Variants in KLK7 observed in about 807,000 individuals in gnomAD.
KLK7 encodes kallikrein-7.
A neutral mutation model predicts 21.0 loss-of-function variants in KLK7; 17 were observed. The ratio of observed to expected loss-of-function variants is 0.81; its 90% CI spans 0.55 to 1.21. KLK7 has a LOEUF of 1.21. Ranked by LOEUF, KLK7 falls within the 50% of genes most tolerant of loss-of-function variation. The pLI is 0.00. For missense variants in KLK7, 330 were observed against 322.8 expected, an observed-to-expected ratio of 1.02 and a Z score of -0.17; for synonymous variants, 151 against 134.6, an observed-to-expected ratio of 1.12 and a Z score of -0.85.
chr19:50,983,492 G>A (rs2091107736), intron 1 of KLK7, among the ~76,000 whole-genome samples: 1 of 119,528 alleles, frequency 8.4e-6, no homozygotes, highest in Non-Finnish European at 1.7e-5. Context: ...AGACCCAGGA[G>A]TCGAGACCCC....
At position 50,980,443 on chromosome 19, in the gene KLK7, C is replaced by T. The variant is rs201304622; in HGVS notation, c.266G>A (p.Arg89Lys). ...HLGSDTLGDR[R>K]AQRIKASKSF... ...CTTCGAGGCCTTGATCCTCTGAGCTCTCCTGTCGCCCAGCGTATCACTGCC... is the reference window on the plus strand; with the variant it reads ...CTTCGAGGCCTTGATCCTCTGAGCTTTCCTGTCGCCCAGCGTATCACTGCC... The change falls in exon 4 of 6, where the codon AGA becomes AAA. Residue 89 changes from arginine (R) to lysine (K), a missense_variant. Coordinates refer to ENST00000595820, the MANE Select transcript of KLK7 (RefSeq NM_005046.4). 3 of 1,614,004 alleles carry T rather than the reference C, an allele frequency of 1.9e-6. No individual in the cohort carries two copies. The highest frequency in any genetic ancestry group is 2.2e-5 in the South Asian group (2 of 91,076).
At position 50,980,396 on chromosome 19, in the gene KLK7, A is replaced by T; in HGVS notation, c.313T>A (p.Ser105Thr). 6.2e-7 allele frequency: 1 copy of T among 1,614,042 alleles called. No individual in the cohort carries two copies. The highest frequency in any genetic ancestry group is 2.2e-5 in the East Asian group (1 of 44,874). The part of the protein sequence containing the change: ...ASKSFRHPGY[S>T]TQTHVNDLML... ...AGGTCATTAACATGGGTCTGTGTGG[A>T]GTAGCCGGGGTGGCGGAATGACTTC... Residue 105 changes from serine to threonine, a missense_variant, in exon 4 of 6, where the codon TCC (serine) becomes ACC (threonine). Transcript: ENST00000595820.
At chr19:50,978,359 T>C (rs1026778722) in intron 5 of KLK7, among the ~76,000 whole-genome samples, 2 of 151,688 alleles carry the variant, frequency 1.3e-5, no homozygotes, top group South Asian at 4.2e-4. Flanking sequence ...AAGGTGCAGA[T>C]GTGAGCAAGG....
chr19:50,982,408 G>C lies in KLK7; in HGVS notation c.-9C>G. ...AGAAGGGATCTTGCCATGGTGCCCTGCTGAGCCGCTCAGGGGCTGCCAGGC... is the reference window on the plus strand; with the variant it reads ...AGAAGGGATCTTGCCATGGTGCCCTCCTGAGCCGCTCAGGGGCTGCCAGGC... On this transcript the variant is annotated 5_prime_UTR_variant, in exon 2 of 6. Coordinates refer to ENST00000595820, the MANE Select transcript of KLK7 (RefSeq NM_005046.4). The C allele has an allele frequency of 6.2e-7, 1 of 1,604,316 alleles. No homozygotes were observed. The highest frequency in any genetic ancestry group is 1.7e-5 in the Admixed American group (1 of 58,274).
Position 50,977,262 on chromosome 19 carries a change from A to G in KLK7, c.*274T>C, listed in dbSNP as rs1004776599. The G allele has an allele frequency of 2.4e-5, 9 of 375,170 alleles. No individual in the cohort carries two copies. The Admixed American group carries it at 3.4e-4, about 14-fold the overall frequency. 23.2% of individuals were successfully genotyped at this position (375,170 alleles called of 1,614,324 possible). ...ATAAGGGTCTCGGTGTACGTTGACC[A>G]AGTGTCTTCCGTAAAGACTGTACGA... On this transcript the variant is annotated 3_prime_UTR_variant, in exon 6 of 6. Transcript: ENST00000595820.
At chr19:50,982,254 T>A in intron 2 of KLK7, 73 bp downstream of exon 2, 1 of 1,554,368 alleles carries the variant, frequency 6.4e-7, no homozygotes, top group Non-Finnish European at 8.7e-7. Context: ...GGAAGGGTTC[T>A]GACTCAGGGA....
At chr19:50,977,836 C>T in intron 5 of KLK7, 145 bp from the exon 6 acceptor site, 1 of 837,202 alleles carries the variant, frequency 1.2e-6, no homozygotes, top group Non-Finnish European at 1.9e-6. Flanking sequence ...TCTCTGGGGA[C>T]TAATGGGAGA....
intron 1 of KLK7, among the ~76,000 whole-genome samples, chr19:50,983,349 C>T (rs1354251646): frequency 1.8e-5 from 1 of 54,886 alleles, no homozygotes; most frequent in African/African-American, 1.0e-4. Context: ...ACCCAGGAGT[C>T]CAGGCCCCAG....
In KLK7 at chr19:50,982,358, T is replaced by C. The variant is rs2091095869; in HGVS notation, c.42A>G (p.Leu14=). Residue 14 remains leucine, a synonymous_variant, in exon 2 of 6, where the codon CTA becomes CTG. Transcript: ENST00000595820. ...CTCCTGCAGTTTCCAAGGCTAAGGA[T>C]AGCAGTAAGATCTGCAGGGGCAGGA... ...SLLLPLQILL[L]SLALETAGEE... 1 of 1,611,378 alleles carries C rather than the reference T, an allele frequency of 6.2e-7. No homozygotes were observed. Among genetic ancestry groups the C allele is most frequent in the Non-Finnish European group, 8.5e-7 (1 of 1,178,944 alleles).
intron 1 of KLK7, among the ~76,000 whole-genome samples, chr19:50,983,088 CCAGGAGTCCAGGCCCCCAGCT>C: frequency 2.6e-5 from 3 of 116,558 alleles, no homozygotes; most frequent in South Asian, 3.4e-4. Context: ...TCCCTCAGAC[CCAGGAGTCCAGGCCCCCAGCT>C]CCTCCTCCCT....
At position 50,980,478 on chromosome 19, in the gene KLK7, G is replaced by A. The variant is rs771742612; in HGVS notation, c.231C>T (p.Thr77=). ...TAAHCKMNEY[T]VHLGSDTLGD... is the part of the protein sequence containing the mutation. ...CCAGCGTATCACTGCCCAGGTGCAC[G>A]GTGTACTCACTGCGAGGAGTGACAT... The change falls in exon 4 of 6, where the codon ACC becomes ACT. Residue 77 remains threonine (T), a synonymous_variant. Coordinates refer to ENST00000595820, the MANE Select transcript of KLK7 (RefSeq NM_005046.4). 9 of 1,613,692 alleles carry A rather than the reference G, an allele frequency of 5.6e-6. No individual in the cohort carries two copies. Among genetic ancestry groups the A allele is most frequent in the Admixed American group, 3.3e-5 (2 of 59,980 alleles).
chr19:50,983,479 C>G (rs1287849853), intron 1 of KLK7, among the ~76,000 whole-genome samples: 1 of 145,326 alleles, frequency 6.9e-6, no homozygotes, highest in Non-Finnish European at 1.5e-5. Context: ...CCCCTCCTCC[C>G]TCAGACCCAG....
chr19:50,977,658 T>C lies in KLK7; in HGVS notation c.640A>G (p.Thr214Ala). The change falls in exon 6 of 6, where the codon ACC (threonine) becomes GCC (alanine). Residue 214 changes from threonine to alanine, a missense_variant. Thr to Ala is a moderately conservative substitution (Grantham distance 58). Transcript: ENST00000595820. ...DSGGPLVCRG[T>A]LQGLVSWGTF... ...CCCCAGGACACCAGACCTTGCAGGG[T>C]ACCTCTGCACACCAACGGTCCCCCT... 6.2e-7 allele frequency: 1 copy of C among 1,613,592 alleles called. No individual in the cohort carries two copies. Among genetic ancestry groups the C allele is most frequent in the Non-Finnish European group, 8.5e-7 (1 of 1,179,968 alleles).
chr19:50,983,917 C>A lies in KLK7; in HGVS notation c.-125G>T. On this transcript the variant is annotated 5_prime_UTR_variant, in exon 1 of 6. Coordinates refer to ENST00000595820, the MANE Select transcript of KLK7 (RefSeq NM_005046.4). ...GCACACAGCTGGGCTCCAAAATCTT[C>A]ATCCCTCTGCTGGGCCGTCCTCTTA... 7.8e-7 allele frequency: 1 copy of A among 1,289,080 alleles called. No individual in the cohort carries two copies. The highest frequency in any genetic ancestry group is 1.0e-6 in the Non-Finnish European group (1 of 988,710). The allele number at this position is 1,289,080 out of a possible 1,614,324, so 79.9% of individuals were successfully genotyped here.
At chr19:50,982,098 C>T (rs897653212) in intron 2 of KLK7, 184 bp from the exon 3 acceptor site, 4 of 822,734 alleles carry the variant, frequency 4.9e-6, no homozygotes, top group Non-Finnish European at 7.5e-6. Flanking sequence ...CCAGGAGGCG[C>T]ATCTCATCTG....
At position 50,981,806 on chromosome 19, in the gene KLK7, T is replaced by A; in HGVS notation, c.182A>T (p.Asn61Ile). 2 of 1,596,108 alleles carry A rather than the reference T, an allele frequency of 1.3e-6. No homozygotes were observed. Among genetic ancestry groups the A allele is most frequent in the Non-Finnish European group, 1.7e-6 (2 of 1,172,894 alleles). The change falls in exon 3 of 6, where the codon AAT (asparagine) becomes ATT (isoleucine). Residue 61 changes from asparagine (N) to isoleucine (I), a missense_variant. Physicochemically the swap from Asn to Ile is moderately radical, Grantham distance 149 (BLOSUM62 -3). Coordinates refer to ENST00000595820, the MANE Select transcript of KLK7 (RefSeq NM_005046.4). Reference protein sequence around the residue: ...NQLHCGGVLVNERWVLTAAHC... With the variant: ...NQLHCGGVLVIERWVLTAAHC... Reference sequence around the variant, plus strand: ...GGCGGCAGTGAGCACCCAGCGCTCATTGACCAGGACGCCTCCGCAGTGGAG... The same window carrying A: ...GGCGGCAGTGAGCACCCAGCGCTCAATGACCAGGACGCCTCCGCAGTGGAG...
upstream of KLK7, chr19:50,984,012 C>T (rs1013692473): frequency 3.0e-6 from 3 of 1,005,146 alleles, no homozygotes; most frequent in Admixed American, 2.4e-5. Context: ...GGGACACCCC[C>T]GCCTGCATTT....
intron 5 of KLK7, among the ~76,000 whole-genome samples, chr19:50,978,650 G>A (rs2091053896): frequency 7.4e-6 from 1 of 135,672 alleles, no homozygotes. Flanking sequence ...GAGATGGGGT[G>A]GGGGTGGGGA....
intron 5 of KLK7, among the ~76,000 whole-genome samples, chr19:50,978,442 G>T (rs961480116): frequency 2.6e-5 from 4 of 151,358 alleles, no homozygotes; most frequent in Non-Finnish European, 5.9e-5. Flanking sequence ...GACAAAGAGA[G>T]ATGAGGAAGA....
Sources: allele counts gnomAD v4.1 joint callset (sites outside exome capture counted in the v4.1 genomes callset), GRCh38; gene constraint gnomAD v4.1.1; transcripts MANE v1.5; gene names NCBI Gene and HGNC (gene_info 2026-07-23, HGNC 2026-07-21).